The following GRID2 variants were observed in gnomAD, a reference collection of about 807,000 sequenced individuals.
The protein encoded by GRID2 is glutamate receptor ionotropic, delta-2.
In GRID2, 33 loss-of-function variants were observed where a neutral mutation model predicts 114.8. The ratio of observed to expected loss-of-function variants is 0.29; its 90% CI spans 0.22 to 0.38. The LOEUF is 0.38. GRID2 is among the 10% of genes least tolerant of loss of function. The pLI is 1.00. For synonymous variants in GRID2, 505 were observed against 449.9 expected (o/e 1.12, Z -1.55); for missense variants, 1,184 against 1,257.7 (o/e 0.94, Z 0.89).
At chr4:92,705,375 A>C (rs1457044069) in intron 2 of GRID2, among the ~76,000 whole-genome samples, 1 of 152,204 alleles carries the variant, frequency 6.6e-6, no homozygotes. Context: ...AACATACTAC[A>C]CGCCAGGCAT....
intron 2 of GRID2, among the ~76,000 whole-genome samples, chr4:92,864,105 A>G (rs1188475777): frequency 6.6e-6 from 1 of 152,184 alleles, no homozygotes; most frequent in Non-Finnish European, 1.5e-5. Context: ...AAATTCAACT[A>G]AAGTACCTGA....
At chr4:93,044,546 A>G (rs1227072810) in intron 2 of GRID2, among the ~76,000 whole-genome samples, 1 of 152,180 alleles carries the variant, frequency 6.6e-6, no homozygotes, top group Non-Finnish European at 1.5e-5. Flanking sequence ...TTAAAGTGAT[A>G]TTAGTTTTGC....
chr4:92,676,325 G>A (rs940310940), intron 2 of GRID2, among the ~76,000 whole-genome samples: 10 of 151,684 alleles, frequency 6.6e-5, no homozygotes, highest in African/African-American at 1.9e-4. Context: ...GACTACAGGT[G>A]CCCACCACAA....
chr4:93,738,028 T>G (rs1051172447), intron 14 of GRID2, among the ~76,000 whole-genome samples: 2 of 152,150 alleles, frequency 1.3e-5, no homozygotes. Context: ...TATGAACGGA[T>G]TGGAATATGT....
At chr4:92,655,743 G>A (rs2149265313) in intron 2 of GRID2, among the ~76,000 whole-genome samples, 1 of 151,580 alleles carries the variant, frequency 6.6e-6, no homozygotes, top group South Asian at 2.1e-4. Context: ...GTTACCAAAT[G>A]TATCAGTTCT....
intron 2 of GRID2, among the ~76,000 whole-genome samples, chr4:92,633,571 C>G (rs750929469): frequency 6.6e-6 from 1 of 152,036 alleles, no homozygotes; most frequent in Non-Finnish European, 1.5e-5. Flanking sequence ...TTCCACTATT[C>G]TTGAGTCAAT....
intron 2 of GRID2, among the ~76,000 whole-genome samples, chr4:92,830,981 T>A (rs138574971): frequency 5.9e-4 from 90 of 152,292 alleles, no homozygotes; most frequent in African/African-American, 2.0e-3. Context: ...TGTCATTATC[T>A]TCTAGTGCCA....
intron 1 of GRID2, among the ~76,000 whole-genome samples, chr4:92,485,915 A>G (rs902167693): frequency 1.3e-5 from 2 of 152,034 alleles, no homozygotes; most frequent in Non-Finnish European, 2.9e-5. Context: ...ACAAGATTTG[A>G]AATTGTAGAA....
intron 2 of GRID2, among the ~76,000 whole-genome samples, chr4:92,661,317 A>T (rs1732505036): frequency 6.6e-6 from 1 of 151,014 alleles, no homozygotes; most frequent in South Asian, 2.1e-4. Context: ...AAGTATCAAA[A>T]AATCTAACAT....
intron 13 of GRID2, among the ~76,000 whole-genome samples, chr4:93,559,152 A>G (rs1734630099): frequency 6.6e-6 from 1 of 152,176 alleles, no homozygotes; most frequent in South Asian, 2.1e-4. Context: ...AACCTAGGCA[A>G]TAGCATTCAG....
intron 2 of GRID2, among the ~76,000 whole-genome samples, chr4:92,969,039 T>C (rs904603482): frequency 2.6e-5 from 4 of 151,726 alleles, no homozygotes; most frequent in African/African-American, 9.7e-5. Flanking sequence ...GAACTTGAGA[T>C]TATTCAAGCT....
At chr4:93,649,392 T>C (rs1279062535) in intron 14 of GRID2, among the ~76,000 whole-genome samples, 3 of 150,240 alleles carry the variant, frequency 2.0e-5, no homozygotes, top group Admixed American at 6.6e-5. Flanking sequence ...GTTTCATTTA[T>C]TTTTTTCTTT....
intron 13 of GRID2, among the ~76,000 whole-genome samples, chr4:93,594,429 G>A (rs948629485): frequency 1.1e-4 from 16 of 152,282 alleles, no homozygotes; most frequent in South Asian, 4.1e-4. Context: ...CTCCAGCTGC[G>A]TACTGGGAGA....
intron 1 of GRID2, among the ~76,000 whole-genome samples, chr4:92,316,427 C>T (rs1725983726): frequency 6.6e-6 from 1 of 152,024 alleles, no homozygotes; most frequent in Non-Finnish European, 1.5e-5. Context: ...TTCTATAATC[C>T]ATTAATTTCA....
In GRID2 at chr4:93,704,119, A is replaced by C. The variant is rs1051597978; in HGVS notation, c.2361-65091A>C. ...TAGTTGGCAGTCCCACCAACAGTGT[A>C]AAAGTGTTCCTATTTCTCCACATCC... On this transcript the variant is annotated intron_variant, in intron 14 of 15. Transcript: ENST00000282020. Among the ~76,000 whole-genome samples the C allele has an allele frequency of 5.9e-5, 9 of 152,318 alleles. No homozygotes were observed. In the East Asian group the frequency reaches 1.5e-3, roughly 26 times the overall value.
intron 4 of GRID2, among the ~76,000 whole-genome samples, chr4:93,136,010 C>T (rs1028893865): frequency 2.0e-5 from 3 of 152,076 alleles, no homozygotes; most frequent in Admixed American, 2.0e-4. Flanking sequence ...AAACTATATG[C>T]CACTATTCAA....
intron 1 of GRID2, among the ~76,000 whole-genome samples, chr4:92,580,309 T>G (rs1728118037): frequency 6.7e-6 from 1 of 149,264 alleles, no homozygotes. Context: ...TGTTGCTAGT[T>G]AAATGTACAT....
intron 12 of GRID2, among the ~76,000 whole-genome samples, 182 bp from the exon 13 acceptor site, chr4:93,515,034 A>G (rs1044212323): frequency 2.0e-5 from 3 of 152,182 alleles, no homozygotes; most frequent in Admixed American, 1.3e-4. Context: ...TATAAATGCC[A>G]TATACCCTAA....
chr4:92,593,946 T>C (rs919336834), intron 2 of GRID2, among the ~76,000 whole-genome samples: 1 of 151,316 alleles, frequency 6.6e-6, no homozygotes, highest in Admixed American at 6.6e-5. Flanking sequence ...AAAACGTATA[T>C]GGGTTATTTT....
Sources: allele counts gnomAD v4.1 joint callset (sites outside exome capture counted in the v4.1 genomes callset), GRCh38; gene constraint gnomAD v4.1.1; transcripts MANE v1.5; gene names NCBI Gene and HGNC (gene_info 2026-07-23, HGNC 2026-07-21).